TBC1D22A: variants seen among roughly 807,000 people sequenced by gnomAD.
TBC1D22A encodes putative GTPase activator.
Under a neutral mutation model 60.2 loss-of-function variants are expected in TBC1D22A, and 38 were observed. That is an observed-to-expected ratio of 0.63 (90% CI 0.49 to 0.83). The LOEUF is 0.83. Among genes scored for constraint, TBC1D22A ranks in the 40% least tolerant of loss-of-function variants. TBC1D22A has a pLI of 0.00. For synonymous variants in TBC1D22A, 302 were observed against 281.7 expected (o/e 1.07, Z -0.72); for missense variants, 628 against 701.0 (o/e 0.90, Z 1.18).
At chr22:46,882,513 T>C (rs2067902649) in intron 5 of TBC1D22A, among the ~76,000 whole-genome samples, 1 of 151,942 alleles carries the variant, frequency 6.6e-6, no homozygotes, top group Non-Finnish European at 1.5e-5. Flanking sequence ...TTATGCGCTA[T>C]GCCCGCCACT....
chr22:46,921,703 C>G lies in TBC1D22A; in HGVS notation c.1015+9515C>G, dbSNP rs1029897952. ...AGTGGCTGAACTATTTACATTCTCA[C>G]TAGCAGTGTAAAAGCATTTTCTTTT... On this transcript the variant is annotated intron_variant, in intron 8 of 12. Transcript: ENST00000337137. Among the ~76,000 whole-genome samples, 4 of 152,066 alleles carry G rather than the reference C, an allele frequency of 2.6e-5. No homozygotes were observed. The East Asian group carries it at 5.8e-4, about 22-fold the overall frequency.
chr22:46,962,399 C>A (rs1403983363), intron 8 of TBC1D22A, among the ~76,000 whole-genome samples: 1 of 152,148 alleles, frequency 6.6e-6, no homozygotes, highest in East Asian at 1.9e-4. Flanking sequence ...GATCTTAGGC[C>A]CTGCTGGCTG....
chr22:46,891,285 T>C lies in TBC1D22A; in HGVS notation c.728T>C (p.Val243Ala). The change falls in exon 6 of 13, where the codon GTA (valine) becomes GCA (alanine). Residue 243 changes from valine to alanine, a missense_variant. By Grantham distance (64) the Val-to-Ala change is moderately conservative. Transcript: ENST00000337137. ...ACCCAGGGTTACCTTCCCGCCAATG[T>C]AGACCGGAGACCAGCCACTCTCCAG... ...KLLSGYLPAN[V>A]DRRPATLQRK... The C allele has an allele frequency of 6.2e-7, 1 of 1,611,906 alleles. No homozygotes were observed. The highest frequency in any genetic ancestry group is 8.5e-7 in the Non-Finnish European group (1 of 1,179,328).
At chr22:47,080,888 C>T (rs1037568677) in intron 11 of TBC1D22A, among the ~76,000 whole-genome samples, 11 of 152,006 alleles carry the variant, frequency 7.2e-5, no homozygotes, top group East Asian at 1.9e-4. Flanking sequence ...TTTGGGAGGC[C>T]GAGGTGGGTG....
chr22:46,862,068 TC>T (rs1297184743), intron 4 of TBC1D22A, among the ~76,000 whole-genome samples: 1 of 152,194 alleles, frequency 6.6e-6, no homozygotes, highest in African/African-American at 2.4e-5. Flanking sequence ...TAGTGGGGCC[TC>T]TGTATGGCCT....
At chr22:46,793,929 G>A (rs768144007) in intron 3 of TBC1D22A, 88 bp downstream of exon 3, 3 of 1,270,032 alleles carry the variant, frequency 2.4e-6, no homozygotes, top group Non-Finnish European at 3.2e-6. Flanking sequence ...AGAATCAGTG[G>A]GTTCCCATCC....
At chr22:46,994,601 G>C (rs149676399) in intron 9 of TBC1D22A, among the ~76,000 whole-genome samples, 73 of 152,360 alleles carry the variant, frequency 4.8e-4, no homozygotes, top group African/African-American at 1.7e-3. Flanking sequence ...GGGGTGGTTA[G>C]AATGTGCTCC....
Position 46,878,637 on chromosome 22 carries a change from C to G in TBC1D22A, c.638-16C>G, listed in dbSNP as rs752193977. The stretch of plus-strand genomic sequence containing the variant: ...TTGCAAATCTTGTTTTTCCTTGTCT[C>G]TTTTTTCATCAACAGAGGAATTACG... On this transcript the variant is annotated splice_polypyrimidine_tract_variant and intron_variant, in intron 4 of 12. Transcript: ENST00000337137. The G allele has an allele frequency of 1.9e-6, 3 of 1,612,848 alleles. No individual in the cohort carries two copies. The highest frequency in any genetic ancestry group is 2.2e-5 in the East Asian group (1 of 44,878).
chr22:46,976,190 G>C (rs193012660), intron 9 of TBC1D22A, among the ~76,000 whole-genome samples: 1 of 152,182 alleles, frequency 6.6e-6, no homozygotes, highest in African/African-American at 2.4e-5. Context: ...AAAATCTGCT[G>C]TACAATGAAA....
At chr22:46,950,826 C>T (rs570554032) in intron 8 of TBC1D22A, among the ~76,000 whole-genome samples, 1 of 152,280 alleles carries the variant, frequency 6.6e-6, no homozygotes, top group African/African-American at 2.4e-5. Context: ...AATACAAAAC[C>T]AAACACACCC....
intron 11 of TBC1D22A, among the ~76,000 whole-genome samples, chr22:47,052,565 G>T (rs1228556056): frequency 6.6e-6 from 1 of 152,178 alleles, no homozygotes; most frequent in Non-Finnish European, 1.5e-5. Flanking sequence ...ACAGCACGGT[G>T]TGCCCAGGCC....
At chr22:47,020,861 TA>T (rs2062062565) in intron 10 of TBC1D22A, among the ~76,000 whole-genome samples, 2 of 146,842 alleles carry the variant, frequency 1.4e-5, no homozygotes, top group Admixed American at 6.8e-5. Flanking sequence ...CAGGATTATA[TA>T]ATAATCCTGT....
chr22:46,826,945 G>T (rs955155916), intron 4 of TBC1D22A, among the ~76,000 whole-genome samples: 8 of 144,284 alleles, frequency 5.5e-5, no homozygotes, highest in South Asian at 2.2e-4. Flanking sequence ...TTTAGTTTCC[G>T]TTTTTTTTTT....
intron 4 of TBC1D22A, among the ~76,000 whole-genome samples, chr22:46,849,651 G>A (rs148133750): frequency 1.3e-5 from 2 of 152,272 alleles, no homozygotes; most frequent in Non-Finnish European, 2.9e-5. Context: ...CACACAACCC[G>A]GTTCATTTAT....
intron 3 of TBC1D22A, among the ~76,000 whole-genome samples, chr22:46,794,092 C>G (rs555641214): frequency 2.6e-5 from 4 of 152,316 alleles, no homozygotes; most frequent in Admixed American, 2.6e-4. Context: ...GGCTTCTGGC[C>G]TAGCTACGTG....
At chr22:47,037,851 C>T (rs529504535) in intron 11 of TBC1D22A, among the ~76,000 whole-genome samples, 1 of 152,174 alleles carries the variant, frequency 6.6e-6, no homozygotes, top group Non-Finnish European at 1.5e-5. Context: ...GTTTGAGCTG[C>T]TTCTGCCAAA....
chr22:47,011,214 G>A (rs1332305390), intron 10 of TBC1D22A, among the ~76,000 whole-genome samples: 1 of 152,126 alleles, frequency 6.6e-6, no homozygotes, highest in Non-Finnish European at 1.5e-5. Context: ...TACCTACTTG[G>A]GCAGCCTTGG....
At chr22:46,988,847 C>G (rs1288637797) in intron 9 of TBC1D22A, among the ~76,000 whole-genome samples, 2 of 152,228 alleles carry the variant, frequency 1.3e-5, no homozygotes, top group Non-Finnish European at 1.5e-5. Flanking sequence ...TCCTTCGAAG[C>G]TTTGAAGTGA....
chr22:47,154,928 G>A (rs2067652794), intron 12 of TBC1D22A, among the ~76,000 whole-genome samples: 1 of 152,232 alleles, frequency 6.6e-6, no homozygotes, highest in Admixed American at 6.5e-5. Context: ...GCCTCCTCTA[G>A]AAGTGGGCGT....
Sources: allele counts gnomAD v4.1 joint callset (sites outside exome capture counted in the v4.1 genomes callset), GRCh38; gene constraint gnomAD v4.1.1; transcripts MANE v1.5; gene names NCBI Gene and HGNC (gene_info 2026-07-23, HGNC 2026-07-21).